GPR39: variants seen among roughly 807,000 people sequenced by gnomAD.
The protein encoded by GPR39 is zinc sensing receptor.
In GPR39, 23 loss-of-function variants were observed where a neutral mutation model predicts 18.4. The observed-to-expected ratio is 1.25, with a 90% confidence interval of 0.90 to 1.77. The LOEUF is 1.77. Ranked by LOEUF, GPR39 falls within the 40% of genes most tolerant of loss-of-function variation. The pLI is 0.00. For synonymous variants in GPR39, 280 were observed against 257.9 expected (o/e 1.09, Z -0.82); for missense variants, 647 against 602.4 (o/e 1.07, Z -0.78).
At chr2:132,503,182 T>G (rs1679078401) in intron 1 of GPR39, among the ~76,000 whole-genome samples, 1 of 152,200 alleles carries the variant, frequency 6.6e-6, no homozygotes, top group African/African-American at 2.4e-5. Context: ...TTCTGGTTCC[T>G]TCTTTTTTGG....
intron 1 of GPR39, among the ~76,000 whole-genome samples, chr2:132,497,757 C>A (rs1406407088): frequency 6.6e-6 from 1 of 152,136 alleles, no homozygotes; most frequent in Non-Finnish European, 1.5e-5. Flanking sequence ...TCAAACAAAT[C>A]TTAGCCCATG....
chr2:132,417,497 T>A lies in GPR39; in HGVS notation c.455T>A (p.Val152Glu), dbSNP rs1679928031. ...AAGGCTGTGTCGGGACCTTGCCAGG[T>A]GAAGCTGCTGATTGGCTTCGTCTGG... ...RYKAVSGPCQ[V>E]KLLIGFVWVT... The change falls in exon 1 of 2, where the codon GTG becomes GAG. Residue 152 changes from valine to glutamate, a missense_variant. Transcript: ENST00000329321. The A allele has an allele frequency of 1.7e-5, 28 of 1,614,030 alleles. No homozygotes were observed. Among genetic ancestry groups the A allele is most frequent in the Non-Finnish European group, 2.1e-5 (25 of 1,180,040 alleles).
At chr2:132,567,098 C>T (rs1016054442) in intron 1 of GPR39, among the ~76,000 whole-genome samples, 3 of 152,044 alleles carry the variant, frequency 2.0e-5, no homozygotes, top group African/African-American at 4.8e-5. Context: ...TTTGGGAGGC[C>T]GAGGCAGGTG....
intron 1 of GPR39, among the ~76,000 whole-genome samples, chr2:132,616,178 G>A (rs1681331392): frequency 6.6e-6 from 1 of 152,054 alleles, no homozygotes; most frequent in Non-Finnish European, 1.5e-5. Context: ...ACCACACTTG[G>A]TTATTATTTA....
intron 1 of GPR39, among the ~76,000 whole-genome samples, chr2:132,644,540 A>G (rs1681950310): frequency 6.6e-6 from 1 of 152,240 alleles, no homozygotes; most frequent in Admixed American, 6.5e-5. Flanking sequence ...ATTCTTGGCG[A>G]CAGGCTATTC....
chr2:132,491,688 G>C (rs968843796), intron 1 of GPR39, among the ~76,000 whole-genome samples: 2 of 151,878 alleles, frequency 1.3e-5, no homozygotes, highest in Non-Finnish European at 2.9e-5. Context: ...AGATTGGTTC[G>C]AAGTGTGTAT....
At chr2:132,605,799 G>A (rs1426341234) in intron 1 of GPR39, among the ~76,000 whole-genome samples, 2 of 152,208 alleles carry the variant, frequency 1.3e-5, no homozygotes, top group Non-Finnish European at 2.9e-5. Flanking sequence ...AAATAAGAGA[G>A]ACATCAGGGC....
chr2:132,426,864 G>C (rs570918186), intron 1 of GPR39, among the ~76,000 whole-genome samples: 1 of 152,094 alleles, frequency 6.6e-6, no homozygotes, highest in East Asian at 1.9e-4. Context: ...CATTGTACTT[G>C]TTCAGTGTCT....
At chr2:132,470,776 G>A (rs1395130779) in intron 1 of GPR39, among the ~76,000 whole-genome samples, 1 of 151,858 alleles carries the variant, frequency 6.6e-6, no homozygotes, top group Non-Finnish European at 1.5e-5. Flanking sequence ...CTGGGTGGGC[G>A]GGGGAGGGTG....
At chr2:132,625,977 A>G (rs896702919) in intron 1 of GPR39, among the ~76,000 whole-genome samples, 1 of 151,806 alleles carries the variant, frequency 6.6e-6, no homozygotes, top group Admixed American at 6.6e-5. Flanking sequence ...GTGGGTGCCT[A>G]TAGTCCCAGC....
In GPR39 at chr2:132,476,717, AGT is replaced by A. The variant is rs1681136474; in HGVS notation, c.856+58821_856+58822del. Among the ~76,000 whole-genome samples, 3 of 151,942 alleles carry A rather than the reference AGT, an allele frequency of 2.0e-5. No individual in the cohort carries two copies. In the South Asian group the frequency reaches 6.3e-4, roughly 32 times the overall value. ...CACTGATAACATGGCGGGAAAAGGA[AGT>A]GAGGTAGGGATGGAGGAAAAGCATA... On this transcript the variant is annotated intron_variant, in intron 1 of 1. Coordinates refer to ENST00000329321, the MANE Select transcript of GPR39 (RefSeq NM_001508.3).
At chr2:132,559,544 C>G (rs188494508) in intron 1 of GPR39, among the ~76,000 whole-genome samples, 12 of 152,108 alleles carry the variant, frequency 7.9e-5, no homozygotes, top group Middle Eastern at 3.4e-3. Context: ...AACAGCGTGG[C>G]GCCCTGATGA....
chr2:132,540,593 G>T (rs1193382845), intron 1 of GPR39, among the ~76,000 whole-genome samples: 1 of 152,180 alleles, frequency 6.6e-6, no homozygotes, highest in Admixed American at 6.5e-5. Context: ...GGCAGGTTGG[G>T]GATAAAGCTG....
chr2:132,418,304 A>C (rs1679948238), intron 1 of GPR39, among the ~76,000 whole-genome samples: 1 of 152,202 alleles, frequency 6.6e-6, no homozygotes, highest in African/African-American at 2.4e-5. Flanking sequence ...AGATACAGGG[A>C]ACCGTCTTAT....
intron 1 of GPR39, among the ~76,000 whole-genome samples, chr2:132,472,975 C>G (rs767075049): frequency 6.6e-6 from 1 of 151,962 alleles, no homozygotes; most frequent in Non-Finnish European, 1.5e-5. Context: ...CCTTATCCAC[C>G]GTGAACCCCC....
chr2:132,488,377 A>C (rs574556987), intron 1 of GPR39, among the ~76,000 whole-genome samples: 8 of 152,232 alleles, frequency 5.3e-5, no homozygotes, highest in East Asian at 1.9e-4. Context: ...ACAAAAAAAA[A>C]CCCTTGCTGC....
chr2:132,423,314 T>TA (rs1680050257), intron 1 of GPR39, among the ~76,000 whole-genome samples: 1 of 150,200 alleles, frequency 6.7e-6, no homozygotes, highest in African/African-American at 2.5e-5. Flanking sequence ...CTGGTGTCTC[T>TA]TGCTCTTCTT....
Position 132,533,904 on chromosome 2 carries a change from C to G in GPR39, c.857-111197C>G, listed in dbSNP as rs188219589. Among the ~76,000 whole-genome samples the G allele has an allele frequency of 3.9e-5, 6 of 152,180 alleles. No individual in the cohort carries two copies. In the South Asian group the frequency reaches 6.2e-4, roughly 16 times the overall value. On this transcript the variant is annotated intron_variant, in intron 1 of 1. Transcript: ENST00000329321. Reference sequence around the variant, plus strand: ...CATAAAAACCCTAGAAGAAAACCTACGAAATACCATTCAGGACATAGGCAT... The same window carrying G: ...CATAAAAACCCTAGAAGAAAACCTAGGAAATACCATTCAGGACATAGGCAT...
rs185965480 is a variant in GPR39 at position 132,590,991 on chromosome 2, C to G, written c.857-54110C>G. Among the ~76,000 whole-genome samples, 19 of 151,968 alleles carry G rather than the reference C, an allele frequency of 1.3e-4. No homozygotes were observed. In the East Asian group the frequency reaches 3.7e-3, roughly 30 times the overall value. ...AACAGGCCGGGCGCGGTGGCTCACG[C>G]CTGTAATCCCAGCACTTTGGGAGGC... On this transcript the variant is annotated intron_variant, in intron 1 of 1. Coordinates refer to ENST00000329321, the MANE Select transcript of GPR39 (RefSeq NM_001508.3).
Sources: gnomAD v4.1 joint callset for allele counts (sites outside exome capture counted in the v4.1 genomes callset) on GRCh38, gnomAD v4.1.1 for gene constraint, MANE v1.5 for transcripts, NCBI Gene and HGNC (gene_info 2026-07-23, HGNC 2026-07-21) for gene names.